The following TTC6 variants were observed in gnomAD, a reference collection of about 807,000 sequenced individuals.
TTC6 encodes tetratricopeptide repeat domain 6, also known as tetratricopeptide repeat protein 6.
In TTC6, 172 loss-of-function variants were observed where a neutral mutation model predicts 210.4. The ratio of observed to expected loss-of-function variants is 0.82; its 90% CI spans 0.72 to 0.93. The LOEUF (loss-of-function observed/expected upper bound fraction) is 0.93, where lower values mean the gene tolerates loss of function less well. Ranked by LOEUF, TTC6 falls within the 40% of genes least tolerant of loss-of-function variation. The pLI, the probability that TTC6 is intolerant of heterozygous loss-of-function variation, is 0.00. For synonymous variants in TTC6, 804 were observed against 819.6 expected (o/e 0.98, Z 0.32); for missense variants, 2,414 against 2,318.1 (o/e 1.04, Z -0.85).
At chr14:37,751,862 T>C (rs938088734) in intron 13 of TTC6, among the ~76,000 whole-genome samples, 12 of 146,826 alleles carry the variant, frequency 8.2e-5, no homozygotes, top group Admixed American at 3.5e-4. Flanking sequence ...CTTGCGCTGT[T>C]GCCCAGGCTG....
intron 4 of TTC6, among the ~76,000 whole-genome samples, chr14:37,697,418 C>CT: frequency 6.6e-6 from 1 of 152,190 alleles, no homozygotes; most frequent in Non-Finnish European, 1.5e-5. Context: ...TGTTGAAACT[C>CT]TGATTTTCTC....
intron 14 of TTC6, among the ~76,000 whole-genome samples, chr14:37,771,931 G>C (rs2096020296): frequency 6.6e-6 from 1 of 152,054 alleles, no homozygotes; most frequent in Admixed American, 6.6e-5. Context: ...CCATCTTTGT[G>C]GTTTTATCTA....
intron 1 of TTC6, among the ~76,000 whole-genome samples, chr14:37,648,666 A>G (rs2095705907): frequency 6.6e-6 from 1 of 152,074 alleles, no homozygotes; most frequent in Admixed American, 6.6e-5. Flanking sequence ...TTCATCTGTA[A>G]TGTTGTCTGG....
intron 1 of TTC6, among the ~76,000 whole-genome samples, chr14:37,638,790 C>T (rs963055993): frequency 6.6e-6 from 1 of 152,102 alleles, no homozygotes; most frequent in Non-Finnish European, 1.5e-5. Context: ...TTTCTTAGAA[C>T]TGAATATGAA....
chr14:37,818,241 C>T lies in TTC6; in HGVS notation c.4763+590C>T, dbSNP rs192123204. Among the ~76,000 whole-genome samples the T allele has an allele frequency of 6.3e-3, 952 of 152,032 alleles. 8 individuals carry two copies. Among genetic ancestry groups the T allele is most frequent in the African/African-American group, 0.017 (699 of 41,474 alleles). On this transcript the variant is annotated intron_variant, in intron 26 of 30. Coordinates refer to ENST00000553443, the Ensembl canonical transcript of TTC6. ...ATAGAAGAAGAGATGAAAACACTTA[C>T]ATAAGGTTAAAATATAGAAGATAAT...
Position 37,797,973 on chromosome 14 carries a change from G to T in TTC6, c.4029+1026G>T, listed in dbSNP as rs975686119. On this transcript the variant is annotated intron_variant, in intron 20 of 30. Coordinates refer to ENST00000553443, the Ensembl canonical transcript of TTC6. ...AAGTTTTCACATATGTGTGGATCAT[G>T]TGCTATTTTAGATTCTCTGTTCTGT... 1.1e-4 allele frequency among the ~76,000 whole-genome samples: 16 copies of T among 152,084 alleles called. 1 individual carries two copies. Among genetic ancestry groups the T allele is most frequent in the Non-Finnish European group, 2.2e-4 (15 of 67,954 alleles).
intron 17 of TTC6, among the ~76,000 whole-genome samples, chr14:37,794,008 T>C (rs1050129685): frequency 6.6e-6 from 1 of 152,212 alleles, no homozygotes; most frequent in African/African-American, 2.4e-5. Context: ...ACTCCCATTA[T>C]GTGGGTTCAG....
intron 14 of TTC6, among the ~76,000 whole-genome samples, chr14:37,770,774 C>G (rs1266787741): frequency 6.8e-6 from 1 of 147,462 alleles, no homozygotes; most frequent in African/African-American, 2.5e-5. Flanking sequence ...CAGTCTGTGT[C>G]TTTTAATTGG....
At chr14:37,631,723 A>T (rs190693159) in intron 1 of TTC6, among the ~76,000 whole-genome samples, 2 of 152,218 alleles carry the variant, frequency 1.3e-5, no homozygotes, top group East Asian at 3.9e-4. Flanking sequence ...ACTTGGTTCC[A>T]TTCTCTCCGT....
intron 25 of TTC6, among the ~76,000 whole-genome samples, chr14:37,817,056 A>T (rs935570143): frequency 2.0e-5 from 3 of 152,106 alleles, no homozygotes; most frequent in Admixed American, 6.5e-5. Flanking sequence ...TTGACAAGAG[A>T]CAATTTCTCA....
intron 14 of TTC6, among the ~76,000 whole-genome samples, chr14:37,768,968 T>C (rs1040854631): frequency 1.3e-5 from 2 of 152,040 alleles, no homozygotes; most frequent in African/African-American, 4.8e-5. Context: ...TATTTTGAAA[T>C]ACGTCCCATC....
intron 10 of TTC6, among the ~76,000 whole-genome samples, chr14:37,747,247 ATG>A (rs1005752779): frequency 4.6e-5 from 7 of 151,986 alleles, no homozygotes; most frequent in African/African-American, 1.4e-4. Flanking sequence ...AGAATCCTTT[ATG>A]TGTGTGTGTG....
At chr14:37,816,309 T>C (rs1051115927) in intron 25 of TTC6, among the ~76,000 whole-genome samples, 1 of 152,084 alleles carries the variant, frequency 6.6e-6, no homozygotes, top group Non-Finnish European at 1.5e-5. Flanking sequence ...AAATTTATCC[T>C]ACCCTTCAAA....
At chr14:37,785,796 G>A (rs146558449) in intron 14 of TTC6, among the ~76,000 whole-genome samples, 2,825 of 152,284 alleles carry the variant, frequency 0.019, 111 homozygotes, top group African/African-American at 0.062. Flanking sequence ...ACATACAGAT[G>A]AGGTTTTGGT....
intron 1 of TTC6, among the ~76,000 whole-genome samples, chr14:37,665,442 AATG>A (rs1419778307): frequency 3.3e-5 from 5 of 150,510 alleles, no homozygotes; most frequent in Admixed American, 1.3e-4. Context: ...GTGGGAGCTG[AATG>A]ATGAGAACAC....
chr14:37,831,334 C>A (rs769704678), intron 29 of TTC6, among the ~76,000 whole-genome samples: 116 of 152,120 alleles, frequency 7.6e-4, no homozygotes, highest in Non-Finnish European at 1.3e-3. Flanking sequence ...TGCTGATGGA[C>A]ACTTAGGGTG....
chr14:37,678,662 T>C (rs1489080649), intron 1 of TTC6, among the ~76,000 whole-genome samples: 2 of 152,186 alleles, frequency 1.3e-5, no homozygotes, highest in Non-Finnish European at 2.9e-5. Context: ...AATCAGGTAA[T>C]TGTAGCTCTT....
At chr14:37,762,746 T>G (rs76990483) in intron 14 of TTC6, among the ~76,000 whole-genome samples, 3,604 of 152,300 alleles carry the variant, frequency 0.024, 145 homozygotes, top group African/African-American at 0.082. Context: ...TGTGTATTTT[T>G]GCTTTTGTTT....
intron 5 of TTC6, among the ~76,000 whole-genome samples, chr14:37,703,096 G>A (rs2095828582): frequency 6.6e-6 from 1 of 151,844 alleles, no homozygotes; most frequent in Non-Finnish European, 1.5e-5. Context: ...AAAGCCTAAA[G>A]CTAGGAGTAG....
Sources: allele counts gnomAD v4.1 joint callset (sites outside exome capture counted in the v4.1 genomes callset), GRCh38; gene constraint gnomAD v4.1.1; transcripts MANE v1.5; gene names NCBI Gene and HGNC (gene_info 2026-07-23, HGNC 2026-07-21).